The following MON1B variants were observed in gnomAD, a reference collection of about 807,000 sequenced individuals.
MON1B encodes vacuolar fusion protein MON1 homolog B.
In MON1B, 26 loss-of-function variants were observed where a neutral mutation model predicts 45.1. The observed-to-expected ratio is 0.58, with a 90% CI of 0.42 to 0.80. MON1B has a LOEUF of 0.80. MON1B is among the 30% of genes least tolerant of loss of function. The pLI is 0.00. For synonymous variants in MON1B, 395 were observed against 320.2 expected (o/e 1.23, Z -2.49); for missense variants, 737 against 754.5 (o/e 0.98, Z 0.27).
Position 77,195,168 on chromosome 16 carries a change from C to T in MON1B, c.1295+14C>T. ...CCAGTTTACCAGGTAGGCCCTGACCCTAAGGCAACTGGCTGGGTGGGAAGG... is the reference window on the plus strand; with the variant it reads ...CCAGTTTACCAGGTAGGCCCTGACCTTAAGGCAACTGGCTGGGTGGGAAGG... On this transcript the variant is annotated intron_variant, in intron 4 of 5. Transcript: ENST00000248248. 1 of 1,546,568 alleles carries T rather than the reference C, an allele frequency of 6.5e-7. No individual in the cohort carries two copies.
At position 77,198,590 on chromosome 16, in the gene MON1B, C is replaced by T. The variant is rs2054693013; in HGVS notation, c.*282C>T. 2.1e-6 allele frequency: 1 copy of T among 471,290 alleles called. No individual in the cohort carries two copies. The highest frequency in any genetic ancestry group is 3.4e-5 in the Admixed American group (1 of 29,270). 29.2% of individuals were successfully genotyped at this position (471,290 alleles called of 1,614,324 possible). ...CTCCTCCACTTGGATGATGCTCTAG[C>T]CTCTGTCAGGGACTGTCCCCTCCAA... is the stretch of plus-strand genomic sequence containing the variant. On this transcript the variant is annotated 3_prime_UTR_variant, in exon 6 of 6. Coordinates refer to ENST00000248248, the MANE Select transcript of MON1B (RefSeq NM_014940.4).
rs116352086 is a variant in MON1B, at chr16:77,194,197, G to A, written c.476-138G>A. ...ATTCCTCCAGCTTGTCCTTACCCCA[G>A]TCCAGGTGCCCACAGAGTGAGCATG... On this transcript the variant is annotated intron_variant, in intron 3 of 5. Transcript: ENST00000248248. This position sits in a 1 kb window ranked among gnomAD's most constrained non-coding sequence, Gnocchi z 8.1. 7.5e-5 allele frequency: 60 copies of A among 803,372 alleles called. No homozygotes were observed. The African/African-American group carries it at 8.8e-4, about 12-fold the overall frequency. The allele number at this position is 803,372 out of a possible 1,614,324, so 49.8% of individuals were successfully genotyped here. A position where few individuals can be genotyped will look rare whatever the true frequency, so the allele number is the denominator to read the frequency against.
intron 5 of MON1B, among the ~76,000 whole-genome samples, chr16:77,196,025 A>G (rs888000123): frequency 1.3e-5 from 2 of 152,094 alleles, no homozygotes; most frequent in Admixed American, 6.5e-5. Context: ...CACCCCATTC[A>G]TCACCAGCTC....
chr16:77,199,612 T>C lies in MON1B; in HGVS notation c.*1304T>C. On this transcript the variant is annotated 3_prime_UTR_variant, in exon 6 of 6. Transcript: ENST00000248248. ...ATAATGAAATAATGATATTCTAATT[T>C]TTTTAAATAAAATGTTAAGCCTTTT... 9.8e-7 allele frequency: 1 copy of C among 1,024,400 alleles called. No individual in the cohort carries two copies. Among genetic ancestry groups the C allele is most frequent in the Non-Finnish European group, 1.4e-6 (1 of 702,928 alleles). 63.5% of individuals were successfully genotyped at this position (1,024,400 alleles called of 1,614,324 possible). A position where few individuals can be genotyped will look rare whatever the true frequency, so the allele number is the denominator to read the frequency against.
chr16:77,197,482 G>A (rs909595242), intron 5 of MON1B, among the ~76,000 whole-genome samples: 2 of 152,172 alleles, frequency 1.3e-5, no homozygotes, highest in Admixed American at 1.3e-4. Flanking sequence ...TGAGCAGATG[G>A]CATCTGAGTG....
Position 77,199,231 on chromosome 16 carries a change from G to A in MON1B, c.*923G>A. 2 of 565,432 alleles carry A rather than the reference G, an allele frequency of 3.5e-6. No homozygotes were observed. Among genetic ancestry groups the A allele is most frequent in the Non-Finnish European group, 6.4e-6 (2 of 314,886 alleles). The allele number at this position is 565,432 out of a possible 1,614,324, so 35.0% of individuals were successfully genotyped here. A position where few individuals can be genotyped will look rare whatever the true frequency, so the allele number is the denominator to read the frequency against. On this transcript the variant is annotated 3_prime_UTR_variant, in exon 6 of 6. Transcript: ENST00000248248. ...CACTCCCCAACTGGCCATTACCCTA[G>A]TTCTGCCCTTGTTTGTGGAGTTACA... is the stretch of plus-strand genomic sequence containing the variant.
In MON1B at chr16:77,194,154, G is replaced by C. The variant is rs1430610355; in HGVS notation, c.476-181G>C. 1.4e-6 allele frequency: 1 copy of C among 693,026 alleles called. No individual in the cohort carries two copies. The highest frequency in any genetic ancestry group is 1.8e-5 in the African/African-American group (1 of 56,566). The allele number at this position is 693,026 out of a possible 1,614,324, so 42.9% of individuals were successfully genotyped here. A position where few individuals can be genotyped will look rare whatever the true frequency, so the allele number is the denominator to read the frequency against. ...CTTGTTCCTTTGTCCATCCCATCAT[G>C]TCTCTGCAAATGTCCAGATTCCTCC... On this transcript the variant is annotated intron_variant, in intron 3 of 5. Transcript: ENST00000248248. This position sits in a 1 kb window ranked among gnomAD's most constrained non-coding sequence, Gnocchi z 8.1.
intron 2 of MON1B, 81 bp downstream of exon 2, chr16:77,191,714 C>G: frequency 6.8e-7 from 1 of 1,476,448 alleles, no homozygotes; most frequent in Non-Finnish European, 9.1e-7. Flanking sequence ...AGTGGGTGAC[C>G]AGTAGGGAGT....
chr16:77,198,349 C>G lies in MON1B; in HGVS notation c.*41C>G, dbSNP rs761893042. ...GACCAGGCAGTGCTGGGAGCAACCA[C>G]CTTTGTTTTTTACCTTCTGTCTACC... On this transcript the variant is annotated 3_prime_UTR_variant, in exon 6 of 6. Transcript: ENST00000248248. 25 of 1,584,782 alleles carry G rather than the reference C, an allele frequency of 1.6e-5. No homozygotes were observed. The South Asian group carries it at 2.5e-4, about 16-fold the overall frequency.
rs1243749577 is a variant in MON1B, at chr16:77,202,387, GT to G, written c.*4082del. ...ATCTGCAATTGTTTCAAAATAAAAT[GT>G]TTAAAAGGGTGCTCTTACTGTGCTG... is the stretch of plus-strand genomic sequence containing the variant. On this transcript the variant is annotated 3_prime_UTR_variant, in exon 6 of 6. Coordinates refer to ENST00000248248, the MANE Select transcript of MON1B (RefSeq NM_014940.4). The G allele has an allele frequency of 6.6e-6, 1 of 152,188 alleles. No homozygotes were observed. The highest frequency in any genetic ancestry group is 2.4e-5 in the African/African-American group (1 of 41,450). The allele number at this position is 152,188 out of a possible 1,614,324, so 9.4% of individuals were successfully genotyped here.
rs1271891914 is a variant in MON1B, at chr16:77,193,380, G to T, written c.149-71G>T. 4.9e-6 allele frequency: 7 copies of T among 1,415,118 alleles called. No homozygotes were observed. Among genetic ancestry groups the T allele is most frequent in the Non-Finnish European group, 4.8e-6 (5 of 1,042,626 alleles). The allele number at this position is 1,415,118 out of a possible 1,614,324, so 87.7% of individuals were successfully genotyped here. A position where few individuals can be genotyped will look rare whatever the true frequency, so the allele number is the denominator to read the frequency against. On this transcript the variant is annotated intron_variant, in intron 2 of 5. Coordinates refer to ENST00000248248, the MANE Select transcript of MON1B (RefSeq NM_014940.4). This position sits in a 1 kb window ranked among gnomAD's most constrained non-coding sequence, Gnocchi z 5.0. ...GTCATGGAGGGGCTAGTAGATATTT[G>T]GTGGGTCCTTGGGGATGTGGGATTA...
Position 77,194,467 on chromosome 16 carries a change from G to A in MON1B, c.608G>A (p.Arg203His), listed in dbSNP as rs370926151. The change falls in exon 4 of 6, where the codon CGT (arginine) becomes CAT (histidine). Residue 203 changes from arginine (R) to histidine (H), a missense_variant. By Grantham distance (29) the Arg-to-His change is conservative (BLOSUM62 0). Transcript: ENST00000248248. The surrounding 1 kb of genome is among the most constrained non-coding windows in gnomAD (Gnocchi z 8.1). The part of the protein sequence containing the change: ...VHAQIVSTLT[R>H]ASVARIFAHK... ...GCACAGATCGTGAGCACACTTACAC[G>A]TGCAAGTGTCGCCCGCATCTTCGCA... 24 of 1,613,954 alleles carry A rather than the reference G, an allele frequency of 1.5e-5. No homozygotes were observed. Among genetic ancestry groups the A allele is most frequent in the Non-Finnish European group, 5.1e-6 (6 of 1,180,010 alleles).
rs1203006113 is a variant in MON1B, at chr16:77,191,590, C to T, written c.105C>T (p.His35=). ...SEEAREGGGV[H]AVPPDPEDEG... Reference sequence around the variant, plus strand: ...AAGCTAGAGAAGGTGGAGGGGTTCACGCGGTCCCGCCGGATCCCGAAGACG... The same window carrying T: ...AAGCTAGAGAAGGTGGAGGGGTTCATGCGGTCCCGCCGGATCCCGAAGACG... The change falls in exon 2 of 6, where the codon CAC becomes CAT. Residue 35 remains histidine, a synonymous_variant. Coordinates refer to ENST00000248248, the MANE Select transcript of MON1B (RefSeq NM_014940.4). The T allele has an allele frequency of 6.2e-7, 1 of 1,610,164 alleles. No individual in the cohort carries two copies. Among genetic ancestry groups the T allele is most frequent in the Non-Finnish European group, 8.5e-7 (1 of 1,179,034 alleles).
In MON1B at chr16:77,199,301, T is replaced by A. The variant is rs913873268; in HGVS notation, c.*993T>A. On this transcript the variant is annotated 3_prime_UTR_variant, in exon 6 of 6. Coordinates refer to ENST00000248248, the MANE Select transcript of MON1B (RefSeq NM_014940.4). Reference sequence around the variant, plus strand: ...TGTGCTGGCAATCAGGGCCGCAGTGTGTTCTGCGCCTGCCCAGAGCTGACT... The same window carrying A: ...TGTGCTGGCAATCAGGGCCGCAGTGAGTTCTGCGCCTGCCCAGAGCTGACT... 1 of 678,244 alleles carries A rather than the reference T, an allele frequency of 1.5e-6. No homozygotes were observed. Among genetic ancestry groups the A allele is most frequent in the Non-Finnish European group, 2.5e-6 (1 of 392,514 alleles). The allele number at this position is 678,244 out of a possible 1,614,324, so 42.0% of individuals were successfully genotyped here.
At position 77,195,545 on chromosome 16, in the gene MON1B, G is replaced by C; in HGVS notation, c.1306G>C (p.Glu436Gln). The change falls in exon 5 of 6, where the codon GAG (glutamate) becomes CAG (glutamine). Residue 436 changes from glutamate to glutamine, a missense_variant. By Grantham distance (29) the Glu-to-Gln change is conservative. Coordinates refer to ENST00000248248, the MANE Select transcript of MON1B (RefSeq NM_014940.4). ...CCTCCATCATGGCAGCCCTGAGCTA[G>C]AGGCCCCCTACAGCAGAGAGGAGGA... Reference protein sequence around the residue: ...QLPQFTSPELEAPYSREEERQ... With the variant: ...QLPQFTSPELQAPYSREEERQ... 2 of 1,613,558 alleles carry C rather than the reference G, an allele frequency of 1.2e-6. No homozygotes were observed. Among genetic ancestry groups the C allele is most frequent in the Admixed American group, 1.7e-5 (1 of 59,948 alleles).
chr16:77,192,971 T>A (rs1436213073), intron 2 of MON1B, among the ~76,000 whole-genome samples: 1 of 151,970 alleles, frequency 6.6e-6, no homozygotes, highest in East Asian at 1.9e-4. Context: ...TGGGCATCAC[T>A]GATAGGGTAG....
chr16:77,193,759 A>G lies in MON1B; in HGVS notation c.457A>G (p.Ile153Val). 1 of 1,612,332 alleles carries G rather than the reference A, an allele frequency of 6.2e-7. No individual in the cohort carries two copies. The highest frequency in any genetic ancestry group is 8.5e-7 in the Non-Finnish European group (1 of 1,178,900). Reference protein sequence around the residue: ...VSFVQSAGDAIRAIYAEDHKL... With the variant: ...VSFVQSAGDAVRAIYAEDHKL... ...CTTTGTGCAGAGTGCGGGAGATGCC[A>G]TCCGTGCCATCTACGCTGGTGAGCA... The change falls in exon 3 of 6, where the codon ATC becomes GTC. Residue 153 changes from isoleucine (I) to valine (V), a missense_variant. By Grantham distance (29) the Ile-to-Val change is conservative. Transcript: ENST00000248248. This position sits in a 1 kb window ranked among gnomAD's most constrained non-coding sequence, Gnocchi z 5.0.
chr16:77,201,173 C>T lies in MON1B; in HGVS notation c.*2865C>T, dbSNP rs531103308. On this transcript the variant is annotated 3_prime_UTR_variant, in exon 6 of 6. Transcript: ENST00000248248. ...TGCTCAGTAATTTTTTAATGTGTGACCAATGAAATAACTTCAAGAGCAGAG... is the reference window on the plus strand; with the variant it reads ...TGCTCAGTAATTTTTTAATGTGTGATCAATGAAATAACTTCAAGAGCAGAG... The T allele has an allele frequency of 2.6e-5, 4 of 152,248 alleles. No individual in the cohort carries two copies. Among genetic ancestry groups the T allele is most frequent in the Admixed American group, 1.3e-4 (2 of 15,290 alleles). 9.4% of individuals were successfully genotyped at this position (152,248 alleles called of 1,614,324 possible).
Position 77,196,309 on chromosome 16 carries a change from C to G in MON1B, c.1443+627C>G, listed in dbSNP as rs1040109065. Among the ~76,000 whole-genome samples, 27 of 144,736 alleles carry G rather than the reference C, an allele frequency of 1.9e-4. 1 individual carries two copies. The highest frequency in any genetic ancestry group is 6.7e-4 in the African/African-American group (26 of 38,558). 95.0% of individuals were successfully genotyped at this position (144,736 alleles called of 152,430 possible). On this transcript the variant is annotated intron_variant, in intron 5 of 5. Coordinates refer to ENST00000248248, the MANE Select transcript of MON1B (RefSeq NM_014940.4). ...GAATTTTGTTTTTAAATTTTTTTAA[C>G]TTTCATTTTCAAATAACTTTAGACT...
Sources: allele counts gnomAD v4.1 joint callset (sites outside exome capture counted in the v4.1 genomes callset), GRCh38; gene constraint gnomAD v4.1.1; non-coding constraint Gnocchi (gnomAD v3.1); transcripts MANE v1.5; gene names NCBI Gene and HGNC (gene_info 2026-07-23, HGNC 2026-07-21).